Variants in FGD3 observed in about 807,000 individuals in gnomAD.
FGD3 encodes the protein FYVE, RhoGEF and PH domain-containing protein 3.
Under a neutral mutation model 71.8 loss-of-function variants are expected in FGD3, and 45 were observed. The observed-to-expected ratio is 0.63, with a 90% CI of 0.49 to 0.80. The LOEUF (loss-of-function observed/expected upper bound fraction) is 0.80. Among genes scored for constraint, FGD3 ranks in the 30% least tolerant of loss-of-function variants. The pLI is 0.00. For synonymous variants in FGD3, 378 were observed against 392.8 expected (o/e 0.96, Z 0.44); for missense variants, 844 against 951.5 (o/e 0.89, Z 1.49).
Position 93,010,308 on chromosome 9 carries a change from C to A in FGD3, c.900C>A (p.Val300=). The A allele has an allele frequency of 6.2e-7, 1 of 1,613,544 alleles. No individual in the cohort carries two copies. The highest frequency in any genetic ancestry group is 8.5e-7 in the Non-Finnish European group (1 of 1,179,574). ...QHHMLEPVQR[V]PRYELLLKDY... ...ACATGCTGGAGCCCGTGCAGAGGGT[C>A]CCCCGGTACGAGCTGCTGCTCAAGG... The change falls in exon 7 of 18, where the codon GTC becomes GTA. Residue 300 remains valine (V), a synonymous_variant. Coordinates refer to ENST00000375482, the MANE Select transcript of FGD3 (RefSeq NM_001083536.2).
chr9:92,954,791 C>T (rs183974300), intron 1 of FGD3, among the ~76,000 whole-genome samples: 33 of 152,324 alleles, frequency 2.2e-4, no homozygotes, highest in African/African-American at 7.2e-4. Flanking sequence ...TTGTCCTGCA[C>T]CTTGGGCTGT....
chr9:93,002,873 G>A (rs983610617), intron 3 of FGD3, 52 bp from the exon 4 acceptor site: 62 of 1,585,012 alleles, frequency 3.9e-5, no homozygotes, highest in African/African-American at 6.7e-5. Context: ...GTTAGGTGCC[G>A]ATTCCCCAAG....
chr9:92,974,953 G>A (rs1486742671), intron 1 of FGD3, among the ~76,000 whole-genome samples: 1 of 152,240 alleles, frequency 6.6e-6, no homozygotes, highest in Admixed American at 6.5e-5. Context: ...TGCATGGCAA[G>A]GGACAAGCTC....
intron 1 of FGD3, among the ~76,000 whole-genome samples, chr9:92,967,469 G>A (rs746571385): frequency 6.6e-6 from 1 of 152,198 alleles, no homozygotes; most frequent in Non-Finnish European, 1.5e-5. Context: ...AGGACCTAAC[G>A]TAGGTGGAAT....
intron 5 of FGD3, among the ~76,000 whole-genome samples, chr9:93,005,635 C>T (rs895572512): frequency 1.2e-4 from 19 of 152,208 alleles, no homozygotes; most frequent in Non-Finnish European, 1.6e-4. Flanking sequence ...CCCAGGACTT[C>T]ACCAGCATTG....
At chr9:92,958,092 A>G (rs7039741) in intron 1 of FGD3, among the ~76,000 whole-genome samples, 105,001 of 150,978 alleles carry the variant, frequency 0.7, 37,679 homozygotes, top group African/African-American at 0.89. Context: ...TCCACCTCCC[A>G]GGTTCAAGTG....
At chr9:92,966,557 G>A (rs1003726631) in intron 1 of FGD3, among the ~76,000 whole-genome samples, 1 of 152,250 alleles carries the variant, frequency 6.6e-6, no homozygotes, top group South Asian at 2.1e-4. Flanking sequence ...TGGGGGCACC[G>A]CAGACTCAGG....
At chr9:92,965,961 A>G (rs578094386) in intron 1 of FGD3, among the ~76,000 whole-genome samples, 1 of 152,328 alleles carries the variant, frequency 6.6e-6, no homozygotes, top group Admixed American at 6.5e-5. Context: ...GGAGGCAAGC[A>G]TGTGCCGAAA....
chr9:93,009,351 T>C (rs977908539), intron 6 of FGD3, among the ~76,000 whole-genome samples: 5 of 152,262 alleles, frequency 3.3e-5, no homozygotes, highest in Admixed American at 3.3e-4. Context: ...ATTGTCGACT[T>C]GGGTTTCTCT....
intron 1 of FGD3, among the ~76,000 whole-genome samples, chr9:92,951,243 T>C (rs1858949565): frequency 6.6e-6 from 1 of 152,244 alleles, no homozygotes; most frequent in Non-Finnish European, 1.5e-5. Context: ...TAGTTACTGA[T>C]ATCCAGTAAT....
intron 10 of FGD3, among the ~76,000 whole-genome samples, chr9:93,017,756 G>A (rs988924415): frequency 6.6e-5 from 10 of 152,198 alleles, no homozygotes; most frequent in Admixed American, 2.0e-4. Flanking sequence ...CTAAGGGGAC[G>A]TGGCTGCTGT....
In FGD3 at chr9:92,972,721, G is replaced by C. The variant is rs140092556; in HGVS notation, c.-217-2517G>C. On this transcript the variant is annotated intron_variant, in intron 1 of 17. Transcript: ENST00000375482. Reference sequence around the variant, plus strand: ...TTTGTCCACCCCTTTTTGAGACTCTGATCACACATGTATTACACTACTTGA... The same window carrying C: ...TTTGTCCACCCCTTTTTGAGACTCTCATCACACATGTATTACACTACTTGA... Among the ~76,000 whole-genome samples, 19 of 152,098 alleles carry C rather than the reference G, an allele frequency of 1.2e-4. No individual in the cohort carries two copies. The East Asian group carries it at 3.7e-3, about 29-fold the overall frequency.
At chr9:92,983,438 C>T (rs1158625061) in intron 3 of FGD3, among the ~76,000 whole-genome samples, 31 of 151,798 alleles carry the variant, frequency 2.0e-4, no homozygotes, top group African/African-American at 2.2e-4. Context: ...GGCAGGAGAA[C>T]GGCGTGCACC....
Position 93,035,846 on chromosome 9 carries a change from C to A in FGD3, c.*257C>A. Reference sequence around the variant, plus strand: ...GTGGCCCAGAGCAGGGGCCGACTGCCAAAGTAACCATCATCCATATGGGCC... The same window carrying A: ...GTGGCCCAGAGCAGGGGCCGACTGCAAAAGTAACCATCATCCATATGGGCC... On this transcript the variant is annotated 3_prime_UTR_variant, in exon 18 of 18. Coordinates refer to ENST00000375482, the MANE Select transcript of FGD3 (RefSeq NM_001083536.2). 2.1e-6 allele frequency: 1 copy of A among 487,368 alleles called. No homozygotes were observed. Among genetic ancestry groups the A allele is most frequent in the Non-Finnish European group, 3.6e-6 (1 of 279,380 alleles). 30.2% of individuals were successfully genotyped at this position (487,368 alleles called of 1,614,324 possible).
intron 3 of FGD3, among the ~76,000 whole-genome samples, chr9:92,987,410 C>T (rs527418204): frequency 2.9e-5 from 4 of 139,714 alleles, no homozygotes; most frequent in Admixed American, 1.5e-4. Flanking sequence ...CCAGCCTGGA[C>T]GACAGAGCGA....
intron 1 of FGD3, among the ~76,000 whole-genome samples, chr9:92,949,594 G>A (rs1368284428): frequency 2.6e-5 from 4 of 152,158 alleles, no homozygotes; most frequent in African/African-American, 9.7e-5. Context: ...CTTCCTTGAG[G>A]GTCCCACCCT....
At chr9:93,028,653 A>G (rs1296163369) in intron 14 of FGD3, among the ~76,000 whole-genome samples, 1 of 152,224 alleles carries the variant, frequency 6.6e-6, no homozygotes, top group Non-Finnish European at 1.5e-5. Context: ...GTAATTAGCA[A>G]CTTGCCAAAC....
rs1286891610 is a variant in FGD3 at position 93,035,725 on chromosome 9, T to C, written c.*136T>C. ...GCCCAGAGCTCAGGACACTTGGCTT[T>C]GGGGGGAAGGAAACTGAGGCCCAGA... On this transcript the variant is annotated 3_prime_UTR_variant, in exon 18 of 18. Transcript: ENST00000375482. 1 of 1,303,476 alleles carries C rather than the reference T, an allele frequency of 7.7e-7. No homozygotes were observed. The highest frequency in any genetic ancestry group is 3.1e-5 in the Admixed American group (1 of 32,494). The allele number at this position is 1,303,476 out of a possible 1,614,324, so 80.7% of individuals were successfully genotyped here.
At chr9:92,993,532 T>C (rs1329262527) in intron 3 of FGD3, among the ~76,000 whole-genome samples, 1 of 152,180 alleles carries the variant, frequency 6.6e-6, no homozygotes, top group Non-Finnish European at 1.5e-5. Context: ...TTGTTACATA[T>C]GTATACATGT....
Sources: allele counts gnomAD v4.1 joint callset (sites outside exome capture counted in the v4.1 genomes callset), GRCh38; gene constraint gnomAD v4.1.1; transcripts MANE v1.5; gene names NCBI Gene and HGNC (gene_info 2026-07-23, HGNC 2026-07-21).